Variants in UBR3 observed in about 807,000 individuals in gnomAD.
UBR3 encodes ubiquitin protein ligase E3 component n-recognin 3, also known as E3 ubiquitin-protein ligase UBR3.
A neutral mutation model predicts 243.2 loss-of-function variants in UBR3; 85 were observed. That is an observed-to-expected ratio of 0.35 (90% CI 0.29 to 0.42). UBR3 has a LOEUF of 0.42. Among genes scored for constraint, UBR3 ranks in the 10% least tolerant of loss-of-function variants. The pLI, the probability that UBR3 is intolerant of heterozygous loss-of-function variation, is 1.00. For synonymous variants in UBR3, 748 were observed against 799.8 expected (o/e 0.94, Z 1.09); for missense variants, 1,686 against 2,300.8 (o/e 0.73, Z 5.47).
intron 11 of UBR3, among the ~76,000 whole-genome samples, chr2:169,918,467 C>G (rs1002609040): frequency 1.3e-4 from 19 of 150,056 alleles, no homozygotes; most frequent in African/African-American, 4.6e-4. Context: ...TTATGGTAAT[C>G]TAGTACAAAT....
intron 20 of UBR3, 73 bp from the exon 21 acceptor site, chr2:169,946,215 A>G (rs902071346): frequency 1.1e-6 from 1 of 873,000 alleles, no homozygotes; most frequent in Admixed American, 3.4e-5. Flanking sequence ...ACAGTAAAAT[A>G]TTTTTGGATC....
At chr2:169,847,110 TGTGTGTGTGTGTGTGC>T (rs768657425) in intron 1 of UBR3, among the ~76,000 whole-genome samples, 13,767 of 73,258 alleles carry the variant, frequency 0.19, 835 homozygotes, top group Admixed American at 0.33. Flanking sequence ...TGTGTGTGTG[TGTGTGTGTGTGTGTGC>T]GCTGGCAGTT....
chr2:169,855,201 A>G (rs2082794312), intron 1 of UBR3, among the ~76,000 whole-genome samples: 1 of 152,222 alleles, frequency 6.6e-6, no homozygotes, highest in South Asian at 2.1e-4. Context: ...ATCCTGCTCT[A>G]AATCACCATT....
At chr2:170,008,164 A>C (rs1443344647) in intron 28 of UBR3, among the ~76,000 whole-genome samples, 1 of 152,184 alleles carries the variant, frequency 6.6e-6, no homozygotes, top group Non-Finnish European at 1.5e-5. Flanking sequence ...AATTCTTAAA[A>C]TATTTCACCT....
At chr2:169,881,743 ATATATAT>A (rs1341934016) in intron 5 of UBR3, among the ~76,000 whole-genome samples, 2 of 138,700 alleles carry the variant, frequency 1.4e-5, no homozygotes, top group East Asian at 2.0e-4. Context: ...ATATTATATA[ATATATAT>A]TATATATTAA....
chr2:169,874,151 G>T (rs904177907), intron 2 of UBR3, among the ~76,000 whole-genome samples: 2 of 150,546 alleles, frequency 1.3e-5, no homozygotes, highest in African/African-American at 4.9e-5. Flanking sequence ...ATTAATTTCT[G>T]TCTGTGCAAA....
At chr2:169,879,644 A>G (rs996771565) in intron 5 of UBR3, among the ~76,000 whole-genome samples, 2 of 152,210 alleles carry the variant, frequency 1.3e-5, no homozygotes. Context: ...GGAGATAATA[A>G]TAGTACTTAT....
In UBR3 at chr2:169,983,252, C is replaced by CTTTTTTTTTTTTTTTTTTTT. The variant is rs72194627; in HGVS notation, c.3635-3390_3635-3371dup. ...TGTTGTTTTTGCCACATTCTCTCTC[C>CTTTTTTTTTTTTTTTTTTTT]TTTTTTTTTTTTTTTTTTTTTTGAG... On this transcript the variant is annotated intron_variant, in intron 24 of 38. Coordinates refer to ENST00000272793, the MANE Select transcript of UBR3 (RefSeq NM_172070.4). Among the ~76,000 whole-genome samples, 24 of 71,984 alleles carry CTTTTTTTTTTTTTTTTTTTT rather than the reference C, an allele frequency of 3.3e-4. 1 individual carries two copies. Among genetic ancestry groups the CTTTTTTTTTTTTTTTTTTTT allele is most frequent in the African/African-American group, 1.4e-3 (24 of 16,902 alleles). The allele number at this position is 71,984 out of a possible 152,430, so 47.2% of individuals were successfully genotyped here.
intron 5 of UBR3, among the ~76,000 whole-genome samples, chr2:169,886,421 C>T (rs897621403): frequency 2.0e-5 from 3 of 152,136 alleles, no homozygotes; most frequent in African/African-American, 7.2e-5. Flanking sequence ...CCCTTGATAG[C>T]TCTAATTATT....
intron 24 of UBR3, chr2:169,964,879 A>G (rs997658477): frequency 2.2e-6 from 1 of 456,960 alleles, no homozygotes; most frequent in Non-Finnish European, 4.4e-6. Context: ...TATGATTGCT[A>G]GCAAACAGAG....
intron 24 of UBR3, among the ~76,000 whole-genome samples, chr2:169,971,006 T>A (rs1279514223): frequency 6.8e-6 from 1 of 147,338 alleles, no homozygotes; most frequent in East Asian, 2.0e-4. Flanking sequence ...GACTTTTTAA[T>A]GATTGCCATT....
chr2:169,836,559 G>A (rs185580822), intron 1 of UBR3, among the ~76,000 whole-genome samples: 14 of 151,612 alleles, frequency 9.2e-5, no homozygotes, highest in Non-Finnish European at 1.9e-4. Flanking sequence ...TAGTTGATGA[G>A]TTGATAGGTG....
intron 30 of UBR3, among the ~76,000 whole-genome samples, chr2:170,024,155 C>T (rs1391852872): frequency 6.6e-6 from 1 of 151,714 alleles, no homozygotes. Flanking sequence ...GAGATCGAGA[C>T]CATCCTGGGT....
At chr2:169,850,957 G>C (rs2105292710) in intron 1 of UBR3, among the ~76,000 whole-genome samples, 1 of 152,228 alleles carries the variant, frequency 6.6e-6, no homozygotes, top group East Asian at 1.9e-4. Context: ...AGAAAAATGT[G>C]GGTACTTGGT....
At chr2:169,843,868 A>G (rs2082376681) in intron 1 of UBR3, among the ~76,000 whole-genome samples, 1 of 152,124 alleles carries the variant, frequency 6.6e-6, no homozygotes, top group Non-Finnish European at 1.5e-5. Context: ...ATATGACATT[A>G]TTCCTTTTTT....
At chr2:169,857,593 T>A (rs929023472) in intron 1 of UBR3, among the ~76,000 whole-genome samples, 1 of 151,632 alleles carries the variant, frequency 6.6e-6, no homozygotes, top group African/African-American at 2.4e-5. Context: ...ATGTTTTTTT[T>A]TTTTTTTATT....
chr2:169,966,977 C>G (rs2087841787), intron 24 of UBR3, among the ~76,000 whole-genome samples: 3 of 151,994 alleles, frequency 2.0e-5, no homozygotes, highest in Admixed American at 2.0e-4. Context: ...GGTGGTTGAT[C>G]ATGATGAGGA....
At chr2:169,886,112 G>A (rs180961758) in intron 5 of UBR3, among the ~76,000 whole-genome samples, 3 of 149,706 alleles carry the variant, frequency 2.0e-5, no homozygotes, top group Admixed American at 6.7e-5. Context: ...AGCCGAGATC[G>A]CGCCACTGCA....
intron 13 of UBR3, 119 bp downstream of exon 13, chr2:169,924,292 A>T (rs1327410303): frequency 1.8e-5 from 14 of 762,824 alleles, no homozygotes; most frequent in Non-Finnish European, 2.6e-5. Context: ...TTTTTTAAAA[A>T]GTTGTTATTG....
Sources: gnomAD v4.1 joint callset for allele counts (sites outside exome capture counted in the v4.1 genomes callset) on GRCh38, gnomAD v4.1.1 for gene constraint, MANE v1.5 for transcripts, NCBI Gene and HGNC (gene_info 2026-07-23, HGNC 2026-07-21) for gene names.